SIMC1: variants seen among roughly 807,000 people sequenced by gnomAD.
The protein encoded by SIMC1 is SUMO-interacting motif-containing protein 1.
Under a neutral mutation model 82.3 loss-of-function variants are expected in SIMC1, and 55 were observed. The observed-to-expected ratio is 0.67, with a 90% CI of 0.54 to 0.84. SIMC1 has a LOEUF of 0.84. Among genes scored for constraint, SIMC1 ranks in the 40% least tolerant of loss-of-function variants. The probability of loss-of-function intolerance (pLI) is 0.00; values close to 1 mark genes in which losing one functional copy is unlikely to be tolerated. For synonymous variants in SIMC1, 353 were observed against 426.3 expected, an observed-to-expected ratio of 0.83 and a Z score of 2.12; for missense variants, 915 against 1,107.2, an observed-to-expected ratio of 0.83 and a Z score of 2.46.
intron 9 of SIMC1, among the ~76,000 whole-genome samples, chr5:176,342,005 C>A (rs997861278): frequency 6.6e-6 from 1 of 152,212 alleles, no homozygotes; most frequent in Non-Finnish European, 1.5e-5. Context: ...TTTCCTCCCC[C>A]ATAGACAGTG....
At chr5:176,288,107 C>T (rs772824100) in intron 1 of SIMC1, among the ~76,000 whole-genome samples, 3 of 152,104 alleles carry the variant, frequency 2.0e-5, no homozygotes, top group Admixed American at 6.6e-5. Flanking sequence ...CGCGCCTAGC[C>T]GGTGATGGGT....
chr5:176,290,159 T>C lies in SIMC1; in HGVS notation c.635T>C (p.Val212Ala), dbSNP rs370161639. ...CCCTTGCCATGCCCACAGCAAGATG[T>C]ATCTCGCCCACCACAGGCCTTGCCG... ...KAPLPCPQQD[V>A]SRPPQALPCP... The change falls in exon 2 of 10, where the codon GTA (valine) becomes GCA (alanine). Residue 212 changes from valine to alanine, a missense_variant. Physicochemically the swap from Val to Ala is moderately conservative, Grantham distance 64. This residue lies in a region of SIMC1 where 902 missense variants were observed against 1,040.3 expected (regional missense o/e 0.87). Transcript: ENST00000429602. The C allele has an allele frequency of 6.2e-7, 1 of 1,610,276 alleles. No individual in the cohort carries two copies. The highest frequency in any genetic ancestry group is 1.3e-5 in the African/African-American group (1 of 74,742).
At chr5:176,274,430 A>T (rs1382586628) in intron 1 of SIMC1, among the ~76,000 whole-genome samples, 1 of 151,726 alleles carries the variant, frequency 6.6e-6, no homozygotes, top group South Asian at 2.1e-4. Context: ...AGTAGGTTGC[A>T]AAAATTTTCT....
At chr5:176,307,246 G>A (rs1230035683) in intron 4 of SIMC1, among the ~76,000 whole-genome samples, 1 of 152,200 alleles carries the variant, frequency 6.6e-6, no homozygotes, top group African/African-American at 2.4e-5. Context: ...CAGTGAGGGA[G>A]TGTGAAATGG....
At chr5:176,292,412 G>C (rs1561700799) in intron 2 of SIMC1, among the ~76,000 whole-genome samples, 2 of 152,176 alleles carry the variant, frequency 1.3e-5, no homozygotes, top group Non-Finnish European at 2.9e-5. Flanking sequence ...CAGTGATCCA[G>C]GTAGGCAGGA....
intron 1 of SIMC1, among the ~76,000 whole-genome samples, chr5:176,262,410 T>G (rs558753720): frequency 6.6e-6 from 1 of 152,158 alleles, no homozygotes; most frequent in Admixed American, 6.5e-5. Context: ...GAAGCATTCC[T>G]ACTAAGATCA....
intron 4 of SIMC1, among the ~76,000 whole-genome samples, chr5:176,303,132 ATGG>A (rs1764112263): frequency 6.6e-6 from 1 of 151,968 alleles, no homozygotes; most frequent in African/African-American, 2.4e-5. Flanking sequence ...GCCGGGCATG[ATGG>A]TGGGCACCTG....
intron 4 of SIMC1, chr5:176,308,869 C>G: frequency 7.5e-7 from 1 of 1,331,624 alleles, no homozygotes; most frequent in South Asian, 1.2e-5. Context: ...CAGTGTTTAC[C>G]AAGAATCTGT....
intron 4 of SIMC1, among the ~76,000 whole-genome samples, chr5:176,310,116 A>G (rs1764601188): frequency 6.6e-6 from 1 of 152,244 alleles, no homozygotes; most frequent in Admixed American, 6.5e-5. Context: ...GCTATGACTT[A>G]CTTATCTGAA....
rs1581345637 is a variant in SIMC1 at position 176,345,165 on chromosome 5, C to G, written c.2414-18C>G. 1.2e-6 allele frequency: 2 copies of G among 1,605,632 alleles called. No homozygotes were observed. The highest frequency in any genetic ancestry group is 8.5e-7 in the Non-Finnish European group (1 of 1,174,988). On this transcript the variant is annotated intron_variant, in intron 9 of 9. Transcript: ENST00000429602. ...AAAGCAGTTCAGAGCACCCAACTGA[C>G]TTTTTTCCCTCTTGCAGAACACTTA... is the stretch of plus-strand genomic sequence containing the variant.
chr5:176,266,257 A>T (rs750299335), intron 1 of SIMC1, among the ~76,000 whole-genome samples: 5 of 134,866 alleles, frequency 3.7e-5, no homozygotes, highest in Non-Finnish European at 1.7e-5. Flanking sequence ...AGATTTTATG[A>T]ACTTGAAATG....
chr5:176,336,088 G>A (rs1232609580), intron 7 of SIMC1, among the ~76,000 whole-genome samples: 2 of 151,690 alleles, frequency 1.3e-5, no homozygotes, highest in Non-Finnish European at 2.9e-5. Flanking sequence ...GAGGGAGGCA[G>A]GGAGGGGGAG....
rs1461161575 is a variant in SIMC1, at chr5:176,255,593, T to C, written c.129+16956T>C. ...TGAGACTGTCTTTTTTTTTTTTTTT[T>C]TTTTAAAGAAAAAGAGCTAACTTGA... On this transcript the variant is annotated intron_variant, in intron 1 of 9. Coordinates refer to ENST00000429602, the MANE Select transcript of SIMC1 (RefSeq NM_001308195.2). 1.3e-3 allele frequency among the ~76,000 whole-genome samples: 194 copies of C among 150,708 alleles called. 1 individual carries two copies. The highest frequency in any genetic ancestry group is 4.4e-3 in the African/African-American group (181 of 41,266).
At chr5:176,259,666 T>C (rs1434109289) in intron 1 of SIMC1, among the ~76,000 whole-genome samples, 3 of 148,674 alleles carry the variant, frequency 2.0e-5, no homozygotes, top group African/African-American at 7.4e-5. Context: ...CCACCTACTC[T>C]GGAGGCTGAG....
At chr5:176,260,819 T>C (rs1761988654) in intron 1 of SIMC1, among the ~76,000 whole-genome samples, 1 of 152,032 alleles carries the variant, frequency 6.6e-6, no homozygotes. Context: ...GAAGCAGAAA[T>C]GGCAGATGCG....
intron 1 of SIMC1, among the ~76,000 whole-genome samples, chr5:176,283,047 A>C (rs904418762): frequency 1.3e-5 from 2 of 152,246 alleles, no homozygotes; most frequent in Non-Finnish European, 2.9e-5. Context: ...TCTGCGTCTC[A>C]TTGGTGTACC....
At chr5:176,252,190 G>C (rs1328318207) in intron 1 of SIMC1, among the ~76,000 whole-genome samples, 1 of 142,650 alleles carries the variant, frequency 7.0e-6, no homozygotes, top group East Asian at 2.1e-4. Context: ...TCCCGGACGG[G>C]GCGGCTGGCC....
At chr5:176,248,917 A>T (rs1171455777) in intron 1 of SIMC1, among the ~76,000 whole-genome samples, 1 of 152,154 alleles carries the variant, frequency 6.6e-6, no homozygotes, top group Non-Finnish European at 1.5e-5. Context: ...TGATTTGCAT[A>T]TGTTGATCCA....
intron 4 of SIMC1, among the ~76,000 whole-genome samples, chr5:176,311,435 G>T (rs2113339365): frequency 6.6e-6 from 1 of 151,794 alleles, no homozygotes; most frequent in African/African-American, 2.4e-5. Flanking sequence ...TAGAGATGGG[G>T]GTCTCACTAT....
Sources: allele counts gnomAD v4.1 joint callset (sites outside exome capture counted in the v4.1 genomes callset), GRCh38; gene constraint gnomAD v4.1.1; regional missense constraint gnomAD v4.1.1; transcripts MANE v1.5; gene names NCBI Gene and HGNC (gene_info 2026-07-23, HGNC 2026-07-21).